Variants in RNF13 observed in about 807,000 individuals in gnomAD.
RNF13 encodes the protein E3 ubiquitin-protein ligase RNF13.
RNF13 carries 19 observed loss-of-function variants against 37.7 expected under a neutral mutation model. That is an observed-to-expected ratio of 0.50 (90% confidence interval 0.35 to 0.74). The LOEUF is 0.74. RNF13 is among the 30% of genes least tolerant of loss of function. The pLI is 0.01. For missense variants in RNF13, 375 were observed against 453.0 expected (o/e 0.83, Z 1.56); for synonymous variants, 144 against 157.8 (o/e 0.91, Z 0.65).
At chr3:149,932,893 C>T (rs1719303913) in intron 8 of RNF13, among the ~76,000 whole-genome samples, 1 of 152,228 alleles carries the variant, frequency 6.6e-6, no homozygotes, top group East Asian at 1.9e-4. Context: ...CTTACATTTC[C>T]CCTCAATACT....
intron 3 of RNF13, among the ~76,000 whole-genome samples, chr3:149,855,187 C>T (rs144235402): frequency 3.3e-5 from 5 of 152,148 alleles, no homozygotes; most frequent in South Asian, 2.1e-4. Context: ...GGCATGGTGG[C>T]GCAAGCCTGT....
chr3:149,909,963 A>C (rs889865633), intron 6 of RNF13, among the ~76,000 whole-genome samples: 3 of 151,496 alleles, frequency 2.0e-5, no homozygotes, highest in South Asian at 2.1e-4. Context: ...AAAAAAAAAA[A>C]CAGAATATGA....
intron 4 of RNF13, among the ~76,000 whole-genome samples, chr3:149,875,509 A>T (rs1051034820): frequency 6.6e-6 from 1 of 152,194 alleles, no homozygotes; most frequent in Non-Finnish European, 1.5e-5. Flanking sequence ...CTTCATACAA[A>T]CCATCCCAAG....
intron 4 of RNF13, chr3:149,894,028 A>C (rs1714990566): frequency 6.6e-6 from 1 of 152,144 alleles, no homozygotes; most frequent in Admixed American, 6.6e-5. Context: ...CACATTTAAA[A>C]AGTACGTTTA....
intron 1 of RNF13, among the ~76,000 whole-genome samples, chr3:149,818,165 T>G (rs1304005959): frequency 6.6e-6 from 1 of 152,240 alleles, no homozygotes; most frequent in Non-Finnish European, 1.5e-5. Context: ...TAGGGGTTTT[T>G]CTGTAGCATT....
intron 5 of RNF13, among the ~76,000 whole-genome samples, chr3:149,898,981 G>T (rs1368705747): frequency 6.6e-6 from 1 of 152,162 alleles, no homozygotes; most frequent in African/African-American, 2.4e-5. Context: ...GGAACAACAA[G>T]TACAACAATT....
rs181518645 is a variant in RNF13, at chr3:149,846,869, A to G, written c.114+729A>G. Among the ~76,000 whole-genome samples, 83 of 152,324 alleles carry G rather than the reference A, an allele frequency of 5.4e-4. 1 individual carries two copies. Among genetic ancestry groups the G allele is most frequent in the African/African-American group, 1.9e-3 (80 of 41,582 alleles). On this transcript the variant is annotated intron_variant, in intron 2 of 9. Coordinates refer to ENST00000392894, the MANE Select transcript of RNF13 (RefSeq NM_183381.3). ...TGTTCATAGAAAATTTCAACCCAAGATTAGCATTAATGAATCAGAAGAGAA... is the reference window on the plus strand; with the variant it reads ...TGTTCATAGAAAATTTCAACCCAAGGTTAGCATTAATGAATCAGAAGAGAA...
In RNF13 at chr3:149,836,059, A is replaced by T. The variant is rs529967462; in HGVS notation, c.-16-9952A>T. On this transcript the variant is annotated intron_variant, in intron 1 of 9. Transcript: ENST00000392894. ...ACATCCATGCCAACCTCCATTTTTTAAAATTTTTTTGATAATGGCCATTCT... is the reference window on the plus strand; with the variant it reads ...ACATCCATGCCAACCTCCATTTTTTTAAATTTTTTTGATAATGGCCATTCT... 9.6e-4 allele frequency among the ~76,000 whole-genome samples: 146 copies of T among 152,264 alleles called. 5 individuals are homozygous for T. Among genetic ancestry groups the T allele is most frequent in the Admixed American group, 9.5e-3 (145 of 15,286 alleles).
intron 6 of RNF13, among the ~76,000 whole-genome samples, chr3:149,902,682 C>G (rs1173118638): frequency 1.3e-5 from 2 of 151,998 alleles, no homozygotes; most frequent in Non-Finnish European, 2.9e-5. Context: ...AGATAACATA[C>G]AGACTGAAAT....
In RNF13 at chr3:149,954,868, A is replaced by G. The variant is rs1186190867; in HGVS notation, c.701-5188A>G. Among the ~76,000 whole-genome samples the G allele has an allele frequency of 2.6e-5, 4 of 152,186 alleles. No individual in the cohort carries two copies. The East Asian group carries it at 7.7e-4, about 29-fold the overall frequency. ...TATTGTCCTCAAAAATTGCTCTTCAAGCAAAATGTGGTTTCCTGTATTTCC... is the reference window on the plus strand; with the variant it reads ...TATTGTCCTCAAAAATTGCTCTTCAGGCAAAATGTGGTTTCCTGTATTTCC... On this transcript the variant is annotated intron_variant, in intron 8 of 9. Transcript: ENST00000392894.
At chr3:149,822,581 G>A (rs1265901537) in intron 1 of RNF13, 2 of 152,134 alleles carry the variant, frequency 1.3e-5, no homozygotes, top group Admixed American at 6.5e-5. Context: ...TCTGTAAGAT[G>A]TCTGATTTCC....
intron 1 of RNF13, among the ~76,000 whole-genome samples, chr3:149,837,137 T>G (rs1721702895): frequency 6.6e-6 from 1 of 152,204 alleles, no homozygotes; most frequent in Admixed American, 6.5e-5. Context: ...ATGGTAAATT[T>G]TATGTCTGTA....
At position 149,913,637 on chromosome 3, in the gene RNF13, T is replaced by A. The variant is rs185200327; in HGVS notation, c.606+1554T>A. Among the ~76,000 whole-genome samples, 241 of 152,356 alleles carry A rather than the reference T, an allele frequency of 1.6e-3. 1 individual carries two copies. The highest frequency in any genetic ancestry group is 5.5e-3 in the African/African-American group (228 of 41,596). On this transcript the variant is annotated intron_variant, in intron 7 of 9. Coordinates refer to ENST00000392894, the MANE Select transcript of RNF13 (RefSeq NM_183381.3). Reference sequence around the variant, plus strand: ...CTATGACAATTTTGCTGTTCTTGTTTTTCATGGCCTTGATAATTTTGAGTA... The same window carrying A: ...CTATGACAATTTTGCTGTTCTTGTTATTCATGGCCTTGATAATTTTGAGTA...
chr3:149,873,848 A>G (rs774158208), intron 4 of RNF13, among the ~76,000 whole-genome samples: 4 of 152,150 alleles, frequency 2.6e-5, no homozygotes, highest in Non-Finnish European at 5.9e-5. Context: ...TTGAATATAT[A>G]TATCTCACTT....
chr3:149,863,682 C>T (rs1024450507), intron 3 of RNF13, among the ~76,000 whole-genome samples: 1 of 152,138 alleles, frequency 6.6e-6, no homozygotes, highest in East Asian at 1.9e-4. Context: ...ACCCGGGCTA[C>T]ATTTGTTCAT....
chr3:149,911,165 T>C (rs1321902990), intron 6 of RNF13, among the ~76,000 whole-genome samples: 1 of 152,200 alleles, frequency 6.6e-6, no homozygotes, highest in Non-Finnish European at 1.5e-5. Flanking sequence ...GTATCCATTG[T>C]ACCTGATACA....
At chr3:149,921,532 A>G (rs568092123) in intron 8 of RNF13, among the ~76,000 whole-genome samples, 1 of 151,614 alleles carries the variant, frequency 6.6e-6, no homozygotes, top group East Asian at 1.9e-4. Context: ...CCTTCCACTT[A>G]TGAGTGAGAA....
At chr3:149,932,340 A>G (rs1206682572) in intron 8 of RNF13, among the ~76,000 whole-genome samples, 2 of 152,112 alleles carry the variant, frequency 1.3e-5, no homozygotes, top group African/African-American at 4.8e-5. Context: ...GCCACATCAC[A>G]TGTTCCTCTT....
At chr3:149,877,659 G>A (rs1429217409) in intron 4 of RNF13, among the ~76,000 whole-genome samples, 1 of 151,594 alleles carries the variant, frequency 6.6e-6, no homozygotes, top group Non-Finnish European at 1.5e-5. Context: ...ACGACCTTAA[G>A]TAGAAATTAA....
Sources: gnomAD v4.1 joint callset for allele counts (sites outside exome capture counted in the v4.1 genomes callset) on GRCh38, gnomAD v4.1.1 for gene constraint, MANE v1.5 for transcripts, NCBI Gene and HGNC (gene_info 2026-07-23, HGNC 2026-07-21) for gene names.